The following TNS3 variants were observed in gnomAD, a reference collection of about 807,000 sequenced individuals.
The protein encoded by TNS3 is tensin 3, also known as tensin-3.
In TNS3, 45 loss-of-function variants were observed where a neutral mutation model predicts 140.9. That is an observed-to-expected ratio of 0.32 (90% CI 0.25 to 0.41). The LOEUF (loss-of-function observed/expected upper bound fraction) is 0.41. Among genes scored for constraint, TNS3 ranks in the 10% least tolerant of loss-of-function variants. The pLI is 1.00. For synonymous variants in TNS3, 815 were observed against 788.4 expected (o/e 1.03, Z -0.56); for missense variants, 1,716 against 1,906.7 (o/e 0.90, Z 1.86).
At chr7:47,476,205 A>AGAGGAAAGTGGAGCC (rs1307422754) in intron 4 of TNS3, among the ~76,000 whole-genome samples, 1 of 152,170 alleles carries the variant, frequency 6.6e-6, no homozygotes. Flanking sequence ...ATTTTACAGA[A>AGAGGAAAGTGGAGCC]GAGGAAAGTG....
chr7:47,392,359 G>C (rs1034505844), intron 16 of TNS3, among the ~76,000 whole-genome samples: 2 of 152,206 alleles, frequency 1.3e-5, no homozygotes, highest in African/African-American at 4.8e-5. Context: ...ATCAAAGCCA[G>C]CGCTCCCCTA....
At chr7:47,393,269 A>C (rs924737614) in intron 16 of TNS3, among the ~76,000 whole-genome samples, 1 of 152,182 alleles carries the variant, frequency 6.6e-6, no homozygotes, top group Non-Finnish European at 1.5e-5. Context: ...ATACAAGCTT[A>C]AATGTATGTA....
intron 23 of TNS3, among the ~76,000 whole-genome samples, chr7:47,299,527 G>C (rs1391189032): frequency 1.3e-5 from 2 of 152,136 alleles, no homozygotes; most frequent in African/African-American, 4.8e-5. Context: ...CTTTTTGTAA[G>C]TCATGGTTCT....
chr7:47,545,805 C>T (rs1417380117), intron 1 of TNS3, among the ~76,000 whole-genome samples: 1 of 152,192 alleles, frequency 6.6e-6, no homozygotes, highest in East Asian at 1.9e-4. Context: ...CTAGGGGATC[C>T]CACCTGGGGG....
intron 16 of TNS3, among the ~76,000 whole-genome samples, chr7:47,382,260 T>C (rs1791810546): frequency 1.3e-5 from 2 of 152,214 alleles, no homozygotes; most frequent in African/African-American, 4.8e-5. Flanking sequence ...TGTTTTGTTT[T>C]TCGGTGGCTG....
intron 16 of TNS3, among the ~76,000 whole-genome samples, chr7:47,385,253 AC>A (rs1269885567): frequency 2.6e-5 from 4 of 152,280 alleles, no homozygotes; most frequent in Admixed American, 6.5e-5. Context: ...ACAGCCGGCG[AC>A]CAAGCCCCCA....
intron 20 of TNS3, among the ~76,000 whole-genome samples, chr7:47,335,225 A>T (rs1034150055): frequency 1.3e-5 from 2 of 152,146 alleles, no homozygotes; most frequent in African/African-American, 4.8e-5. Flanking sequence ...CATTCAACAG[A>T]CGGACGATGG....
At chr7:47,362,562 G>A (rs1217075911) in intron 17 of TNS3, among the ~76,000 whole-genome samples, 2 of 152,198 alleles carry the variant, frequency 1.3e-5, no homozygotes, top group African/African-American at 4.8e-5. Context: ...TGGTGTAAGA[G>A]TGTGAGTTTA....
At chr7:47,384,043 C>G (rs1791928521) in intron 16 of TNS3, among the ~76,000 whole-genome samples, 1 of 152,198 alleles carries the variant, frequency 6.6e-6, no homozygotes, top group Non-Finnish European at 1.5e-5. Flanking sequence ...ATGACACCAC[C>G]AACTTTCAAC....
chr7:47,297,213 G>C lies in TNS3; in HGVS notation c.3545C>G (p.Ala1182Gly). The change falls in exon 24 of 31, where the codon GCC becomes GGC. Residue 1182 changes from alanine to glycine, a missense_variant and splice_region_variant. By Grantham distance (60) the Ala-to-Gly change is moderately conservative. Coordinates refer to ENST00000311160, the MANE Select transcript of TNS3 (RefSeq NM_022748.12). ...CTCCTTGTCCTTCAACATGGCGATG[G>C]CTGGAGAAAGGGAGGAGAAAGACAA... ...WYKADISREQ[A>G]IAMLKDKEPG... is the part of the protein sequence containing the mutation. 2 of 1,609,370 alleles carry C rather than the reference G, an allele frequency of 1.2e-6. No individual in the cohort carries two copies. The highest frequency in any genetic ancestry group is 1.7e-6 in the Non-Finnish European group (2 of 1,178,050).
chr7:47,387,338 A>G (rs548677903), intron 16 of TNS3, among the ~76,000 whole-genome samples: 6 of 152,354 alleles, frequency 3.9e-5, no homozygotes, highest in African/African-American at 1.4e-4. Context: ...AGCCACAGGC[A>G]TAGAGTTTGA....
intron 1 of TNS3, among the ~76,000 whole-genome samples, chr7:47,531,304 C>T (rs534619339): frequency 4.6e-5 from 7 of 152,084 alleles, no homozygotes; most frequent in African/African-American, 1.7e-4. Context: ...TGAAAGAAAA[C>T]TTGTCAATCT....
chr7:47,495,033 C>T (rs1440570982), intron 3 of TNS3, among the ~76,000 whole-genome samples: 1 of 151,912 alleles, frequency 6.6e-6, no homozygotes, highest in Non-Finnish European at 1.5e-5. Context: ...ATAAAGCCAG[C>T]GGTTTGATTA....
chr7:47,433,774 A>G (rs1795036986), intron 8 of TNS3, among the ~76,000 whole-genome samples: 2 of 152,190 alleles, frequency 1.3e-5, no homozygotes, highest in Non-Finnish European at 2.9e-5. Context: ...CTGGGCAATG[A>G]TGATCCATCA....
intron 8 of TNS3, 133 bp downstream of exon 8, chr7:47,435,149 A>G: frequency 1.6e-6 from 2 of 1,228,808 alleles, no homozygotes; most frequent in Admixed American, 2.9e-5. Flanking sequence ...AGGAAAACCT[A>G]AAGACAAACC....
chr7:47,335,516 G>A (rs1200626491), intron 20 of TNS3, among the ~76,000 whole-genome samples: 1 of 152,178 alleles, frequency 6.6e-6, no homozygotes, highest in African/African-American at 2.4e-5. Flanking sequence ...TTTAAAACAT[G>A]AGCACACTGG....
At chr7:47,464,726 T>A (rs1388861543) in intron 4 of TNS3, among the ~76,000 whole-genome samples, 2 of 152,186 alleles carry the variant, frequency 1.3e-5, no homozygotes, top group African/African-American at 4.8e-5. Context: ...TATTTGTGCA[T>A]CAGTGTGGTT....
intron 1 of TNS3, among the ~76,000 whole-genome samples, chr7:47,538,125 G>A (rs1174470000): frequency 1.3e-5 from 2 of 152,182 alleles, no homozygotes; most frequent in East Asian, 3.9e-4. Context: ...AGATGGACAA[G>A]CCAGGATCCT....
At chr7:47,460,869 G>C (rs1439218143) in intron 4 of TNS3, among the ~76,000 whole-genome samples, 1 of 152,202 alleles carries the variant, frequency 6.6e-6, no homozygotes, top group Non-Finnish European at 1.5e-5. Flanking sequence ...ACTACTTTCA[G>C]CTCTTCCTCC....
Sources: gnomAD v4.1 joint callset for allele counts (sites outside exome capture counted in the v4.1 genomes callset) on GRCh38, gnomAD v4.1.1 for gene constraint, MANE v1.5 for transcripts, NCBI Gene and HGNC (gene_info 2026-07-23, HGNC 2026-07-21) for gene names.